Variants in TMEM132C observed in about 807,000 individuals in gnomAD.
TMEM132C encodes protein phosphatase 1, regulatory subunit 152.
TMEM132C carries 29 observed loss-of-function variants against 61.4 expected under a neutral mutation model. That is an observed-to-expected ratio of 0.47 (90% CI 0.35 to 0.64). The LOEUF (loss-of-function observed/expected upper bound fraction) is 0.64. Ranked by LOEUF, TMEM132C falls within the 30% of genes least tolerant of loss-of-function variation. TMEM132C has a pLI of 0.00. For missense variants in TMEM132C, 1,408 were observed against 1,476.9 expected, an observed-to-expected ratio of 0.95 and a Z score of 0.76; for synonymous variants, 656 against 633.1, an observed-to-expected ratio of 1.04 and a Z score of -0.54.
At chr12:128,353,193 A>G (rs1434931842) in intron 1 of TMEM132C, among the ~76,000 whole-genome samples, 2 of 152,226 alleles carry the variant, frequency 1.3e-5, no homozygotes, top group Non-Finnish European at 2.9e-5. Flanking sequence ...CTAATCATCC[A>G]TGTTTATCAA....
intron 1 of TMEM132C, among the ~76,000 whole-genome samples, chr12:128,347,406 TC>T (rs1873197418): frequency 3.2e-5 from 4 of 125,114 alleles, no homozygotes; most frequent in African/African-American, 1.3e-4. Context: ...TGTCTCTCTC[TC>T]TCTCTCTCTC....
At chr12:128,270,551 G>A (rs1870474909) in intron 1 of TMEM132C, among the ~76,000 whole-genome samples, 1 of 152,138 alleles carries the variant, frequency 6.6e-6, no homozygotes. Flanking sequence ...TTCTGGTAAG[G>A]GATTTACGTT....
chr12:128,633,711 TC>T (rs1235241760), intron 4 of TMEM132C, among the ~76,000 whole-genome samples: 1 of 152,198 alleles, frequency 6.6e-6, no homozygotes, highest in South Asian at 2.1e-4. Flanking sequence ...AGTCTTTAAT[TC>T]CTGATTCTCA....
At chr12:128,572,997 G>T (rs1349812252) in intron 3 of TMEM132C, among the ~76,000 whole-genome samples, 4 of 152,262 alleles carry the variant, frequency 2.6e-5, no homozygotes, top group Non-Finnish European at 5.9e-5. Flanking sequence ...CTTTTACATT[G>T]TTGGTGGGAC....
chr12:128,672,024 A>C (rs773348654), intron 5 of TMEM132C, among the ~76,000 whole-genome samples: 1 of 152,264 alleles, frequency 6.6e-6, no homozygotes, highest in African/African-American at 2.4e-5. Context: ...AAAAGTTTTA[A>C]GAAAAGTTGA....
chr12:128,428,480 C>G (rs576499549), intron 2 of TMEM132C, among the ~76,000 whole-genome samples: 1 of 152,242 alleles, frequency 6.6e-6, no homozygotes, highest in African/African-American at 2.4e-5. Context: ...GTTGTCTCAG[C>G]TTGGTATGAG....
intron 2 of TMEM132C, among the ~76,000 whole-genome samples, chr12:128,486,019 A>G (rs1593070405): frequency 6.6e-6 from 1 of 152,290 alleles, no homozygotes; most frequent in Non-Finnish European, 1.5e-5. Flanking sequence ...ATTTCCATTC[A>G]TATTTAGGAG....
chr12:128,621,109 G>A (rs1189267985), intron 4 of TMEM132C, among the ~76,000 whole-genome samples: 1 of 151,920 alleles, frequency 6.6e-6, no homozygotes, highest in East Asian at 2.0e-4. Flanking sequence ...CTCTGCTCTG[G>A]GCCCTGGGGG....
At chr12:128,438,271 A>T (rs1169403561) in intron 2 of TMEM132C, 2 of 152,132 alleles carry the variant, frequency 1.3e-5, no homozygotes, top group Non-Finnish European at 2.9e-5. Flanking sequence ...TAGATTCATC[A>T]TGAATAGATT....
rs78220648 is a variant in TMEM132C, at chr12:128,534,000, C to T, written c.975-9957C>T. Among the ~76,000 whole-genome samples, 18 of 151,986 alleles carry T rather than the reference C, an allele frequency of 1.2e-4. No homozygotes were observed. In the East Asian group the frequency reaches 1.4e-3, roughly 11 times the overall value. ...ACACACTCCTCATCATACCCAGGCA[C>T]TCACACACCCCAGCAGGCCTGAGAA... On this transcript the variant is annotated intron_variant, in intron 2 of 8. Coordinates refer to ENST00000435159, the MANE Select transcript of TMEM132C (RefSeq NM_001136103.3).
intron 1 of TMEM132C, among the ~76,000 whole-genome samples, chr12:128,368,627 C>T (rs1046729496): frequency 1.3e-5 from 2 of 152,192 alleles, no homozygotes; most frequent in African/African-American, 4.8e-5. Flanking sequence ...CCCAGATGCC[C>T]TTGAAGAAGA....
chr12:128,504,598 G>T (rs1872294717), intron 2 of TMEM132C, among the ~76,000 whole-genome samples: 1 of 152,010 alleles, frequency 6.6e-6, no homozygotes, highest in South Asian at 2.1e-4. Flanking sequence ...CTTGCAGATG[G>T]CCACTTTCTC....
intron 1 of TMEM132C, among the ~76,000 whole-genome samples, chr12:128,276,981 A>G (rs928079847): frequency 6.6e-6 from 1 of 152,122 alleles, no homozygotes; most frequent in Non-Finnish European, 1.5e-5. Flanking sequence ...AGACAAAACA[A>G]ACAAACAAAA....
At chr12:128,272,394 G>A (rs951508393) in intron 1 of TMEM132C, among the ~76,000 whole-genome samples, 7 of 152,122 alleles carry the variant, frequency 4.6e-5, no homozygotes, top group African/African-American at 7.2e-5. Context: ...TTGAATGAAC[G>A]CACCACAGTT....
chr12:128,438,334 G>A (rs1869669060), intron 2 of TMEM132C, among the ~76,000 whole-genome samples: 1 of 152,094 alleles, frequency 6.6e-6, no homozygotes, highest in Admixed American at 6.6e-5. Flanking sequence ...TACCATGAGA[G>A]CTGGTTGTTT....
intron 4 of TMEM132C, among the ~76,000 whole-genome samples, chr12:128,663,771 A>T (rs1310260163): frequency 6.6e-6 from 1 of 151,904 alleles, no homozygotes; most frequent in African/African-American, 2.4e-5. Flanking sequence ...GGCCTGCCAC[A>T]TCAATATCAT....
At chr12:128,391,072 T>C (rs2135999608) in intron 1 of TMEM132C, among the ~76,000 whole-genome samples, 1 of 152,310 alleles carries the variant, frequency 6.6e-6, no homozygotes, top group South Asian at 2.1e-4. Flanking sequence ...ACATCAGAAC[T>C]GCCCTGAGAA....
chr12:128,594,452 G>A (rs1875875531), intron 3 of TMEM132C, among the ~76,000 whole-genome samples: 1 of 149,744 alleles, frequency 6.7e-6, no homozygotes, highest in South Asian at 2.1e-4. Flanking sequence ...TTTAAGAACT[G>A]CCTTGCATAT....
intron 2 of TMEM132C, among the ~76,000 whole-genome samples, chr12:128,479,533 G>C (rs542106463): frequency 1.3e-5 from 2 of 152,258 alleles, no homozygotes; most frequent in Non-Finnish European, 2.9e-5. Flanking sequence ...CACATTGCAG[G>C]GTCCATTGAT....
Sources: gnomAD v4.1 joint callset for allele counts (sites outside exome capture counted in the v4.1 genomes callset) on GRCh38, gnomAD v4.1.1 for gene constraint, MANE v1.5 for transcripts, NCBI Gene and HGNC (gene_info 2026-07-23, HGNC 2026-07-21) for gene names.